Variants in DLG2 observed in about 807,000 individuals in gnomAD.
DLG2 encodes discs large MAGUK scaffold protein 2.
Under a neutral mutation model 132.5 loss-of-function variants are expected in DLG2, and 45 were observed. That is an observed-to-expected ratio of 0.34 (90% CI 0.27 to 0.44). The LOEUF (loss-of-function observed/expected upper bound fraction) is 0.44, where lower values mean the gene tolerates loss of function less well. Ranked by LOEUF, DLG2 falls within the 20% of genes least tolerant of loss-of-function variation. The probability of loss-of-function intolerance (pLI) is 1.00; values close to 1 mark genes in which losing one functional copy is unlikely to be tolerated. For synonymous variants in DLG2, 424 were observed against 419.6 expected (o/e 1.01, Z -0.13); for missense variants, 1,045 against 1,196.9 (o/e 0.87, Z 1.87).
chr11:84,259,289 G>C (rs1341986909), intron 7 of DLG2, among the ~76,000 whole-genome samples: 1 of 86,984 alleles, frequency 1.1e-5, no homozygotes, highest in African/African-American at 4.7e-5. Context: ...AAGGTTCTTA[G>C]GTTATTATAC....
At chr11:84,860,693 C>G (rs1474816686) in intron 6 of DLG2, among the ~76,000 whole-genome samples, 1 of 152,034 alleles carries the variant, frequency 6.6e-6, no homozygotes, top group African/African-American at 2.4e-5. Context: ...CAAACTCTGC[C>G]TTCTTTTCAT....
chr11:85,500,070 C>T (rs934968696), intron 3 of DLG2, among the ~76,000 whole-genome samples: 7 of 152,088 alleles, frequency 4.6e-5, no homozygotes, highest in Non-Finnish European at 8.8e-5. Flanking sequence ...CACTCCTATT[C>T]AACACAGTGT....
chr11:84,983,529 C>A (rs1331236060), intron 6 of DLG2, among the ~76,000 whole-genome samples: 1 of 152,066 alleles, frequency 6.6e-6, no homozygotes, highest in Non-Finnish European at 1.5e-5. Flanking sequence ...TCTGACAGAG[C>A]CTACCTAAAT....
chr11:84,288,207 T>A (rs2097936377), intron 7 of DLG2, among the ~76,000 whole-genome samples: 1 of 151,982 alleles, frequency 6.6e-6, no homozygotes. Flanking sequence ...AAATTGTGAA[T>A]AATAATTAAT....
At chr11:85,043,560 G>A (rs561724139) in intron 6 of DLG2, among the ~76,000 whole-genome samples, 1 of 151,896 alleles carries the variant, frequency 6.6e-6, no homozygotes, top group South Asian at 2.1e-4. Flanking sequence ...GGCACTGTAT[G>A]CATGCAAAAT....
At chr11:84,005,403 A>C (rs1405693120) in intron 11 of DLG2, among the ~76,000 whole-genome samples, 1 of 152,050 alleles carries the variant, frequency 6.6e-6, no homozygotes, top group African/African-American at 2.4e-5. Context: ...TCACAGAAGA[A>C]AACAAAGGGA....
At chr11:85,219,473 G>T (rs1404489874) in intron 4 of DLG2, among the ~76,000 whole-genome samples, 1 of 151,906 alleles carries the variant, frequency 6.6e-6, no homozygotes, top group African/African-American at 2.4e-5. Context: ...ACTGCATGAT[G>T]GTCAAAATAG....
chr11:84,562,142 G>C (rs1424683428), intron 6 of DLG2, among the ~76,000 whole-genome samples: 1 of 152,004 alleles, frequency 6.6e-6, no homozygotes, highest in Non-Finnish European at 1.5e-5. Flanking sequence ...CCTTGATCTA[G>C]AAGGAACTCC....
At chr11:85,524,705 G>C (rs1345344940) in intron 3 of DLG2, among the ~76,000 whole-genome samples, 1 of 152,114 alleles carries the variant, frequency 6.6e-6, no homozygotes, top group African/African-American at 2.4e-5. Context: ...CGTTGCCCAG[G>C]TGGGTCTCAA....
chr11:83,832,901 T>C (rs2054967599), intron 17 of DLG2, among the ~76,000 whole-genome samples: 1 of 152,240 alleles, frequency 6.6e-6, no homozygotes, highest in African/African-American at 2.4e-5. Flanking sequence ...TTTTTGTTTT[T>C]ACATTTGCAC....
At chr11:84,514,392 C>A (rs1459273578) in intron 7 of DLG2, among the ~76,000 whole-genome samples, 1 of 151,988 alleles carries the variant, frequency 6.6e-6, no homozygotes, top group Non-Finnish European at 1.5e-5. Context: ...ATCTGCACTC[C>A]CATATTGTTG....
At chr11:85,141,949 A>T (rs79731496) in intron 5 of DLG2, among the ~76,000 whole-genome samples, 5,008 of 151,704 alleles carry the variant, frequency 0.033, 103 homozygotes, top group African/African-American at 0.049. Flanking sequence ...ACTGGTTTGG[A>T]TACTATAGCT....
intron 6 of DLG2, among the ~76,000 whole-genome samples, chr11:84,637,040 G>A (rs533391664): frequency 3.3e-5 from 5 of 151,886 alleles, no homozygotes; most frequent in South Asian, 2.1e-4. Flanking sequence ...TGCCCATGTC[G>A]GCCTCCCAGA....
chr11:85,407,896 G>A (rs1471112913), intron 3 of DLG2, among the ~76,000 whole-genome samples: 1 of 151,540 alleles, frequency 6.6e-6, no homozygotes, highest in Non-Finnish European at 1.5e-5. Context: ...TCTTGAAAAA[G>A]CCCTCAAGCA....
At chr11:84,073,233 A>G (rs768412721) in intron 10 of DLG2, among the ~76,000 whole-genome samples, 5 of 152,182 alleles carry the variant, frequency 3.3e-5, no homozygotes, top group African/African-American at 4.8e-5. Flanking sequence ...ACTTTGTCCC[A>G]TAAGAATGCT....
intron 3 of DLG2, among the ~76,000 whole-genome samples, chr11:85,487,103 T>C (rs897916099): frequency 1.3e-5 from 2 of 149,822 alleles, no homozygotes; most frequent in Non-Finnish European, 3.0e-5. Flanking sequence ...AGCCAAAAAC[T>C]TCCTATTCAG....
intron 7 of DLG2, among the ~76,000 whole-genome samples, chr11:84,355,843 A>C (rs2098608275): frequency 6.6e-6 from 1 of 152,118 alleles, no homozygotes; most frequent in African/African-American, 2.4e-5. Flanking sequence ...CATGACTTGC[A>C]CCTGATTTTC....
rs150740746 is a variant in DLG2, at chr11:84,780,789, G to A, written c.358-246058C>T. Among the ~76,000 whole-genome samples the A allele has an allele frequency of 5.3e-4, 81 of 151,914 alleles. No homozygotes were observed. In the East Asian group the frequency reaches 0.014, roughly 26 times the overall value. ...TTTAGTAACAAATGATACTATTATC[G>A]CAAAATTTGTGGATGGATTTAACTT... On this transcript the variant is annotated intron_variant, in intron 6 of 27. Coordinates refer to ENST00000376104, the MANE Select transcript of DLG2 (RefSeq NM_001142699.3).
intron 5 of DLG2, among the ~76,000 whole-genome samples, chr11:85,121,811 A>G (rs1188669913): frequency 7.2e-5 from 11 of 152,116 alleles, no homozygotes; most frequent in Non-Finnish European, 1.6e-4. Context: ...TTTCACAACT[A>G]TTTATTGTGA....
Sources: allele counts gnomAD v4.1 joint callset (sites outside exome capture counted in the v4.1 genomes callset), GRCh38; gene constraint gnomAD v4.1.1; transcripts MANE v1.5; gene names NCBI Gene and HGNC (gene_info 2026-07-23, HGNC 2026-07-21).